Variants in GLYATL2 observed in about 807,000 individuals in gnomAD.
GLYATL2 encodes glycine N-acyltransferase-like protein 2.
GLYATL2 carries 25 observed loss-of-function variants against 21.4 expected under a neutral mutation model. The ratio of observed to expected loss-of-function variants is 1.17; its 90% CI spans 0.85 to 1.63. The LOEUF is 1.63. Among genes scored for constraint, GLYATL2 ranks in the 40% most tolerant of loss-of-function variants. The pLI, the probability that GLYATL2 is intolerant of heterozygous loss-of-function variation, is 0.00. For synonymous variants in GLYATL2, 114 were observed against 118.2 expected, an observed-to-expected ratio of 0.96 and a Z score of 0.23; for missense variants, 361 against 343.3, an observed-to-expected ratio of 1.05 and a Z score of -0.41.
chr11:58,878,820 G>A (rs189249096), intron 1 of GLYATL2, among the ~76,000 whole-genome samples: 52 of 152,186 alleles, frequency 3.4e-4, no homozygotes, highest in African/African-American at 1.2e-3. Flanking sequence ...TTACAGAAAT[G>A]GCAAAATCTT....
At chr11:58,847,892 G>A (rs997816502), upstream of GLYATL2, among the ~76,000 whole-genome samples, 6 of 152,096 alleles carry the variant, frequency 3.9e-5, no homozygotes, top group East Asian at 1.9e-4. Context: ...ATGCAGTGCT[G>A]TGCGGACCTC....
chr11:58,905,210 G>C (rs1295719790), upstream of GLYATL2, among the ~76,000 whole-genome samples: 1 of 152,250 alleles, frequency 6.6e-6, no homozygotes, highest in Non-Finnish European at 1.5e-5. Context: ...TCCTCGTCCA[G>C]ACTGGCATTG....
chr11:58,899,416 A>C (rs150750293), intron 1 of GLYATL2, among the ~76,000 whole-genome samples: 41 of 152,350 alleles, frequency 2.7e-4, no homozygotes, highest in African/African-American at 8.4e-4. Flanking sequence ...AAAATTAAAA[A>C]AACAAAAACA....
At chr11:58,872,824 A>G (rs1306126874) in intron 1 of GLYATL2, among the ~76,000 whole-genome samples, 6 of 152,354 alleles carry the variant, frequency 3.9e-5, no homozygotes, top group Middle Eastern at 3.4e-3. Context: ...CTGTGAAGAA[A>G]GTCATTGGTA....
chr11:58,875,149 T>C (rs1280704900), intron 1 of GLYATL2, among the ~76,000 whole-genome samples: 1 of 152,118 alleles, frequency 6.6e-6, no homozygotes, highest in Non-Finnish European at 1.5e-5. Flanking sequence ...TTGGTAGATC[T>C]TCCTCCATCC....
At chr11:58,865,029 A>G (rs993619367) in intron 1 of GLYATL2, among the ~76,000 whole-genome samples, 2 of 149,126 alleles carry the variant, frequency 1.3e-5, no homozygotes, top group Non-Finnish European at 1.5e-5. Flanking sequence ...GAATATGTTT[A>G]TGGCATAGGT....
intron 1 of GLYATL2, among the ~76,000 whole-genome samples, chr11:58,903,601 A>G (rs1421418887): frequency 6.6e-6 from 1 of 152,160 alleles, no homozygotes; most frequent in Admixed American, 6.5e-5. Context: ...TAAACCCAGG[A>G]GGTTGAGCTT....
At chr11:58,878,461 G>C (rs188164587) in intron 1 of GLYATL2, 5 of 281,724 alleles carry the variant, frequency 1.8e-5, no homozygotes, top group Non-Finnish European at 3.1e-5. Context: ...ATTTGTGATC[G>C]AAACTGGGTT....
At chr11:58,902,313 A>C (rs1361685765) in intron 1 of GLYATL2, among the ~76,000 whole-genome samples, 1 of 152,180 alleles carries the variant, frequency 6.6e-6, no homozygotes, top group Non-Finnish European at 1.5e-5. Context: ...ACACATCCCC[A>C]GAAGCCAATT....
intron 2 of GLYATL2, 41 bp downstream of exon 2, chr11:58,839,494 C>G (rs1462027953): frequency 7.6e-7 from 1 of 1,318,950 alleles, no homozygotes; most frequent in Non-Finnish European, 1.1e-6. Context: ...CTCCTCTCAA[C>G]TCAACCCTCT....
intron 1 of GLYATL2, 58 bp downstream of exon 1, chr11:58,844,376 G>A (rs1314185215): frequency 6.6e-6 from 1 of 152,136 alleles, no homozygotes; most frequent in Non-Finnish European, 1.5e-5. Context: ...TTTAGAACAA[G>A]AATCCAAATT....
At chr11:58,885,548 A>G (rs1854421914) in intron 1 of GLYATL2, 1 of 442,824 alleles carries the variant, frequency 2.3e-6, no homozygotes. Flanking sequence ...ACAGGTAGGC[A>G]CACAAACAGG....
Position 58,838,358 on chromosome 11 carries a change from G to A in GLYATL2, c.89C>T (p.Ala30Val), listed in dbSNP as rs1270085775. 2.5e-6 allele frequency: 4 copies of A among 1,609,322 alleles called. No individual in the cohort carries two copies. Among genetic ancestry groups the A allele is most frequent in the Non-Finnish European group, 3.4e-6 (4 of 1,176,198 alleles). The change falls in exon 3 of 6, where the codon GCC (alanine) becomes GTC (valine). Residue 30 changes from alanine (A) to valine (V), a missense_variant. Transcript: ENST00000287275. ...SIPESIKVYG[A>V]IFNIKDKNPF... is the part of the protein sequence containing the mutation. ...GTTTTTATCTTTTATGTTGAAAATG[G>A]CGCCATATACCTACGATGCAACAGA... is the stretch of plus-strand genomic sequence containing the variant.
At chr11:58,851,411 A>C (rs1853739452) in intron 1 of GLYATL2, among the ~76,000 whole-genome samples, 1 of 152,146 alleles carries the variant, frequency 6.6e-6, no homozygotes, top group South Asian at 2.1e-4. Context: ...CATATTTTGA[A>C]CTATCCTTGC....
chr11:58,849,689 G>A (rs1240492408), upstream of GLYATL2, among the ~76,000 whole-genome samples: 4 of 152,264 alleles, frequency 2.6e-5, no homozygotes, highest in Admixed American at 2.0e-4. Context: ...CACAAGAACA[G>A]AAAACCAAAC....
rs748599159 is a variant in GLYATL2, at chr11:58,837,095, G to A, written c.396C>T (p.Leu132=). ...GTTTCTTTGGTAATTCCGGTATAAA[G>A]AGGATGGTTTTCATGTAATCTACCT... ...SVQVDYMKTI[L]FIPELPKKHK... The change falls in exon 5 of 6, where the codon CTC becomes CTT. Residue 132 remains leucine (L), a synonymous_variant. Coordinates refer to ENST00000287275, the MANE Select transcript of GLYATL2 (RefSeq NM_145016.4). The A allele has an allele frequency of 2.5e-6, 4 of 1,613,898 alleles. No individual in the cohort carries two copies. The highest frequency in any genetic ancestry group is 2.2e-5 in the South Asian group (2 of 91,068).
chr11:58,849,670 G>A (rs1853705307), upstream of GLYATL2, among the ~76,000 whole-genome samples: 2 of 152,202 alleles, frequency 1.3e-5, no homozygotes, highest in South Asian at 4.1e-4. Flanking sequence ...GGAGAAGGCA[G>A]CAAACTAACA....
intron 1 of GLYATL2, among the ~76,000 whole-genome samples, chr11:58,873,057 T>G (rs984363943): frequency 2.0e-5 from 3 of 151,818 alleles, no homozygotes; most frequent in Non-Finnish European, 4.4e-5. Context: ...ATTGTGAATG[T>G]GATTTCACTC....
At chr11:58,845,956 T>C (rs10896858), upstream of GLYATL2, among the ~76,000 whole-genome samples, 39,876 of 152,090 alleles carry the variant, frequency 0.26, 5,729 homozygotes, top group East Asian at 0.51. Flanking sequence ...TTGAGTTTTA[T>C]AGTTTTAGTT....
Sources: allele counts gnomAD v4.1 joint callset (sites outside exome capture counted in the v4.1 genomes callset), GRCh38; gene constraint gnomAD v4.1.1; transcripts MANE v1.5; gene names NCBI Gene and HGNC (gene_info 2026-07-23, HGNC 2026-07-21).